Variants in CAMTA1 observed in about 807,000 individuals in gnomAD.
CAMTA1 encodes calmodulin binding transcription activator 1.
Under a neutral mutation model 170.9 loss-of-function variants are expected in CAMTA1, and 27 were observed. That is an observed-to-expected ratio of 0.16 (90% CI 0.12 to 0.22). The LOEUF (loss-of-function observed/expected upper bound fraction) is 0.22, where lower values mean the gene tolerates loss of function less well. CAMTA1 is among the 10% of genes least tolerant of loss of function. CAMTA1 has a pLI of 1.00. For missense variants in CAMTA1, 1,619 were observed against 2,217.2 expected, an observed-to-expected ratio of 0.73 and a Z score of 5.42; for synonymous variants, 833 against 891.5, an observed-to-expected ratio of 0.93 and a Z score of 1.17.
intron 6 of CAMTA1, among the ~76,000 whole-genome samples, chr1:7,535,009 T>A (rs928572919): frequency 6.6e-6 from 1 of 151,358 alleles, no homozygotes; most frequent in African/African-American, 2.4e-5. Flanking sequence ...GCTAGGAAGA[T>A]CCCATCCAAA....
At chr1:7,226,755 A>AT (rs1330410655) in intron 4 of CAMTA1, among the ~76,000 whole-genome samples, 1 of 151,624 alleles carries the variant, frequency 6.6e-6, no homozygotes, top group Non-Finnish European at 1.5e-5. Flanking sequence ...AGATATGCAC[A>AT]TTTTTTCTAA....
At chr1:7,638,365 G>T (rs1357319831) in intron 6 of CAMTA1, among the ~76,000 whole-genome samples, 2 of 152,208 alleles carry the variant, frequency 1.3e-5, no homozygotes, top group African/African-American at 4.8e-5. Context: ...TTCAGGCCAG[G>T]CGCAGTGGCT....
chr1:7,274,419 T>C (rs1321230574), intron 5 of CAMTA1, among the ~76,000 whole-genome samples: 1 of 152,202 alleles, frequency 6.6e-6, no homozygotes, highest in Non-Finnish European at 1.5e-5. Flanking sequence ...GACCGTCCTG[T>C]CTATGCACCT....
At chr1:6,950,736 C>T (rs1317771362) in intron 3 of CAMTA1, among the ~76,000 whole-genome samples, 1 of 147,612 alleles carries the variant, frequency 6.8e-6, no homozygotes, top group African/African-American at 2.6e-5. Flanking sequence ...CACCAATCAA[C>T]CACAGTGCTA....
At chr1:6,842,327 G>A (rs1199661139) in intron 3 of CAMTA1, among the ~76,000 whole-genome samples, 1 of 152,176 alleles carries the variant, frequency 6.6e-6, no homozygotes, top group South Asian at 2.1e-4. Flanking sequence ...TCGCCGTGAG[G>A]CTCAGAAGAG....
rs570701076 is a variant in CAMTA1 at position 7,143,894 on chromosome 1, A to G, written c.302+52523A>G. Among the ~76,000 whole-genome samples, 59 of 152,300 alleles carry G rather than the reference A, an allele frequency of 3.9e-4. 2 individuals carry two copies. In the South Asian group the frequency reaches 0.012, roughly 31 times the overall value. On this transcript the variant is annotated intron_variant, in intron 4 of 22. Transcript: ENST00000303635. Reference sequence around the variant, plus strand: ...ATATGGCTTTTTTCCCCATCCTTTAATTCTGTGAAATAGTTTCTATTCAAG... The same window carrying G: ...ATATGGCTTTTTTCCCCATCCTTTAGTTCTGTGAAATAGTTTCTATTCAAG...
chr1:7,467,642 G>A (rs2093242328), intron 5 of CAMTA1, among the ~76,000 whole-genome samples, 188 bp from the exon 6 acceptor site: 3 of 152,236 alleles, frequency 2.0e-5, no homozygotes, highest in South Asian at 2.1e-4. Flanking sequence ...GTGTCCCCAC[G>A]GGGCTTCGTA....
intron 5 of CAMTA1, among the ~76,000 whole-genome samples, chr1:7,461,398 A>G (rs529742173): frequency 5.1e-4 from 78 of 152,342 alleles, no homozygotes; most frequent in East Asian, 2.1e-3. Context: ...ACTTTCTGCC[A>G]TTGCTGTGCT....
chr1:7,673,913 C>G lies in CAMTA1; in HGVS notation c.2779+2876C>G, dbSNP rs931050057. Among the ~76,000 whole-genome samples, 1 of 152,182 alleles carries G rather than the reference C, an allele frequency of 6.6e-6. No homozygotes were observed. Among genetic ancestry groups the G allele is most frequent in the African/African-American group, 2.4e-5 (1 of 41,442 alleles). On this transcript the variant is annotated intron_variant, in intron 10 of 22. Coordinates refer to ENST00000303635, the MANE Select transcript of CAMTA1 (RefSeq NM_015215.4). This position sits in a 1 kb window ranked among gnomAD's most constrained non-coding sequence, Gnocchi z 4.6. ...CCCAGCTTCTCACCGGGCCCCTGAT[C>G]GTAAGGGGCTCTCGGTCCAGGGAGG...
At chr1:6,996,518 C>G (rs1437342365) in intron 3 of CAMTA1, among the ~76,000 whole-genome samples, 1 of 152,056 alleles carries the variant, frequency 6.6e-6, no homozygotes, top group African/African-American at 2.4e-5. Flanking sequence ...TGGTGTTCTC[C>G]CTCTGTGGCT....
At chr1:7,629,527 C>T (rs2095654871) in intron 6 of CAMTA1, among the ~76,000 whole-genome samples, 3 of 152,234 alleles carry the variant, frequency 2.0e-5, no homozygotes, top group Admixed American at 2.0e-4. Context: ...CCCTGAGCTC[C>T]AGAGTGGGGG....
intron 3 of CAMTA1, among the ~76,000 whole-genome samples, chr1:6,865,523 G>A (rs1227653814): frequency 6.6e-6 from 1 of 152,194 alleles, no homozygotes; most frequent in Non-Finnish European, 1.5e-5. Context: ...GCACTCTTGA[G>A]CTTAACCTCT....
At chr1:7,405,501 G>C (rs1301607077) in intron 5 of CAMTA1, among the ~76,000 whole-genome samples, 1 of 151,832 alleles carries the variant, frequency 6.6e-6, no homozygotes, top group Non-Finnish European at 1.5e-5. Context: ...CTCCAGAATA[G>C]TTGATACTAC....
intron 3 of CAMTA1, among the ~76,000 whole-genome samples, chr1:7,085,159 C>T (rs1460239979): frequency 1.3e-5 from 2 of 152,136 alleles, no homozygotes; most frequent in Non-Finnish European, 2.9e-5. Flanking sequence ...ACACACGTGC[C>T]TTGTGTTGTG....
intron 11 of CAMTA1, among the ~76,000 whole-genome samples, chr1:7,705,260 C>A (rs75630480): frequency 6.7e-6 from 1 of 149,030 alleles, no homozygotes; most frequent in African/African-American, 2.5e-5. Flanking sequence ...TGCGTTTGGC[C>A]GAGGAGTGGG....
chr1:6,914,312 C>A (rs1281799318), intron 3 of CAMTA1, among the ~76,000 whole-genome samples: 1 of 152,126 alleles, frequency 6.6e-6, no homozygotes, highest in Non-Finnish European at 1.5e-5. Context: ...CCATGTCGGC[C>A]AGGCTGGTCT....
intron 6 of CAMTA1, among the ~76,000 whole-genome samples, chr1:7,594,821 G>T (rs2095386419): frequency 6.6e-6 from 1 of 152,260 alleles, no homozygotes; most frequent in Non-Finnish European, 1.5e-5. Context: ...GGGAGGCCCA[G>T]CGGGGAACAG....
At chr1:7,574,927 G>A (rs2095172519) in intron 6 of CAMTA1, among the ~76,000 whole-genome samples, 1 of 152,206 alleles carries the variant, frequency 6.6e-6, no homozygotes, top group Non-Finnish European at 1.5e-5. Flanking sequence ...CTCCACCAGG[G>A]AAGGACGGAC....
intron 3 of CAMTA1, among the ~76,000 whole-genome samples, chr1:6,874,942 G>A (rs1195479273): frequency 6.6e-6 from 1 of 152,186 alleles, no homozygotes. Flanking sequence ...TGAGTGAGGT[G>A]GAAGGGACAT....
Sources: gnomAD v4.1 joint callset for allele counts (sites outside exome capture counted in the v4.1 genomes callset) on GRCh38, gnomAD v4.1.1 for gene constraint, Gnocchi (gnomAD v3.1) non-coding constraint, MANE v1.5 for transcripts, NCBI Gene and HGNC (gene_info 2026-07-23, HGNC 2026-07-21) for gene names.